Variants in B3GALT1 observed in about 807,000 individuals in gnomAD.
The protein encoded by B3GALT1 is UDP-Gal:betaGlcNAc beta 1,3-galactosyltransferase, polypeptide 1.
Under a neutral mutation model 23.2 loss-of-function variants are expected in B3GALT1, and 10 were observed. The ratio of observed to expected loss-of-function variants is 0.43; its 90% CI spans 0.27 to 0.73. The LOEUF is 0.73. Ranked by LOEUF, B3GALT1 falls within the 30% of genes least tolerant of loss-of-function variation. The pLI is 0.21. For missense variants in B3GALT1, 299 were observed against 405.4 expected (o/e 0.74, Z 2.25); for synonymous variants, 156 against 141.5 (o/e 1.10, Z -0.73).
At chr2:167,665,925 A>T (rs1253532509) in intron 3 of B3GALT1, among the ~76,000 whole-genome samples, 1 of 152,044 alleles carries the variant, frequency 6.6e-6, no homozygotes, top group Non-Finnish European at 1.5e-5. Flanking sequence ...TCCTGGATTC[A>T]TTAATTTTTT....
chr2:167,813,557 G>C (rs922771107), intron 3 of B3GALT1, among the ~76,000 whole-genome samples: 1 of 152,068 alleles, frequency 6.6e-6, no homozygotes, highest in African/African-American at 2.4e-5. Flanking sequence ...CTAACTAACT[G>C]ATGTTTTTGC....
At chr2:167,664,587 C>T (rs968231840) in intron 3 of B3GALT1, among the ~76,000 whole-genome samples, 3 of 152,074 alleles carry the variant, frequency 2.0e-5, no homozygotes, top group Non-Finnish European at 4.4e-5. Flanking sequence ...ATTCTTCCTA[C>T]CCATGAGCAT....
At chr2:167,686,604 T>C (rs561150888) in intron 3 of B3GALT1, among the ~76,000 whole-genome samples, 163 of 152,328 alleles carry the variant, frequency 1.1e-3, no homozygotes, top group Admixed American at 4.6e-3. Context: ...GAACAACATT[T>C]TAGTAAGTTT....
intron 2 of B3GALT1, among the ~76,000 whole-genome samples, chr2:167,559,010 G>C (rs1400994519): frequency 6.6e-6 from 1 of 152,242 alleles, no homozygotes; most frequent in East Asian, 1.9e-4. Context: ...GCCTCCTCAA[G>C]TGGGTCCCTG....
intron 1 of B3GALT1, among the ~76,000 whole-genome samples, chr2:167,463,463 A>C (rs1699297296): frequency 6.6e-6 from 1 of 152,176 alleles, no homozygotes; most frequent in Non-Finnish European, 1.5e-5. Context: ...TATTGTCTAT[A>C]AAATTCTTCT....
At chr2:167,493,192 G>A (rs1489932103) in intron 2 of B3GALT1, among the ~76,000 whole-genome samples, 1 of 152,086 alleles carries the variant, frequency 6.6e-6, no homozygotes, top group Non-Finnish European at 1.5e-5. Flanking sequence ...TTCTTCATGA[G>A]CCTTTCACAT....
intron 4 of B3GALT1, among the ~76,000 whole-genome samples, chr2:167,847,512 CAG>C (rs1183248390): frequency 6.6e-6 from 1 of 152,098 alleles, no homozygotes; most frequent in Non-Finnish European, 1.5e-5. Context: ...GAAATCAAGA[CAG>C]AAATTTAAAA....
At chr2:167,443,831 C>T (rs1331948108) in intron 1 of B3GALT1, among the ~76,000 whole-genome samples, 3 of 152,126 alleles carry the variant, frequency 2.0e-5, no homozygotes, top group Admixed American at 6.5e-5. Flanking sequence ...AATTTGACTT[C>T]CTCTTTTCCT....
chr2:167,523,391 A>G (rs1683149059), intron 2 of B3GALT1, among the ~76,000 whole-genome samples: 1 of 151,384 alleles, frequency 6.6e-6, no homozygotes, highest in Non-Finnish European at 1.5e-5. Context: ...TCCCCTCCTC[A>G]GGAGCAACCA....
At chr2:167,344,905 A>G (rs980404514) in intron 1 of B3GALT1, among the ~76,000 whole-genome samples, 2 of 152,212 alleles carry the variant, frequency 1.3e-5, no homozygotes, top group Admixed American at 6.5e-5. Flanking sequence ...AAAGGTATTA[A>G]GCAAGATAAG....
chr2:167,362,455 C>G (rs1169790040), intron 1 of B3GALT1, among the ~76,000 whole-genome samples: 2 of 152,154 alleles, frequency 1.3e-5, no homozygotes, highest in Admixed American at 6.5e-5. Context: ...CCCTCCTTTT[C>G]CAACTTTCCT....
chr2:167,441,173 T>A (rs1331816030), intron 1 of B3GALT1, among the ~76,000 whole-genome samples: 2 of 152,184 alleles, frequency 1.3e-5, no homozygotes, highest in Admixed American at 6.5e-5. Context: ...CTAGTTCACA[T>A]TCAAGGTTCA....
chr2:167,303,642 CAT>C (rs1236813605), intron 1 of B3GALT1, among the ~76,000 whole-genome samples: 25 of 64,602 alleles, frequency 3.9e-4, no homozygotes, highest in African/African-American at 1.0e-3. Context: ...GAAACACACA[CAT>C]ACACACACAC....
Position 167,869,365 on chromosome 2 carries a change from G to A in B3GALT1, c.326G>A (p.Gly109Glu), listed in dbSNP as rs759038173. The A allele has an allele frequency of 1.4e-5, 23 of 1,613,962 alleles. No individual in the cohort carries two copies. The highest frequency in any genetic ancestry group is 1.8e-5 in the Non-Finnish European group (21 of 1,180,032). ...ETWGDENNFK[G>E]IKIATLFLLG... ...TGGGGGGATGAGAACAACTTTAAGG[G>A]GATCAAGATAGCCACCCTGTTCCTC... The change falls in exon 5 of 5, where the codon GGG becomes GAG. Residue 109 changes from glycine (G) to glutamate (E), a missense_variant. Coordinates refer to ENST00000392690, the MANE Select transcript of B3GALT1 (RefSeq NM_020981.4). The surrounding 1 kb of genome is among the most constrained non-coding windows in gnomAD (Gnocchi z 6.4).
chr2:167,865,245 C>T (rs1179352609), intron 4 of B3GALT1, among the ~76,000 whole-genome samples: 3 of 151,908 alleles, frequency 2.0e-5, no homozygotes, highest in Non-Finnish European at 4.4e-5. Flanking sequence ...CCCATCTCTA[C>T]TAAAAATACA....
At chr2:167,822,152 A>G (rs1034789748) in intron 4 of B3GALT1, among the ~76,000 whole-genome samples, 3 of 152,206 alleles carry the variant, frequency 2.0e-5, no homozygotes, top group African/African-American at 7.2e-5. Context: ...TAGAATGTCA[A>G]AGTCTCCTGT....
At chr2:167,332,339 T>G (rs1471549182) in intron 1 of B3GALT1, among the ~76,000 whole-genome samples, 2 of 152,204 alleles carry the variant, frequency 1.3e-5, no homozygotes, top group African/African-American at 4.8e-5. Flanking sequence ...GTAACACACT[T>G]ATTTGTTATG....
chr2:167,860,081 G>A (rs1031146562), intron 4 of B3GALT1, among the ~76,000 whole-genome samples: 1 of 152,164 alleles, frequency 6.6e-6, no homozygotes, highest in Non-Finnish European at 1.5e-5. Context: ...GGGAGGAGTT[G>A]GGTATCAAAA....
chr2:167,365,381 T>G (rs999599761), intron 1 of B3GALT1, among the ~76,000 whole-genome samples: 3 of 152,152 alleles, frequency 2.0e-5, no homozygotes, highest in African/African-American at 7.2e-5. Flanking sequence ...GTTTCATTTA[T>G]TCTCACTAAA....
Sources: allele counts gnomAD v4.1 joint callset (sites outside exome capture counted in the v4.1 genomes callset), GRCh38; gene constraint gnomAD v4.1.1; non-coding constraint Gnocchi (gnomAD v3.1); transcripts MANE v1.5; gene names NCBI Gene and HGNC (gene_info 2026-07-23, HGNC 2026-07-21).